PEAK1: variants seen among roughly 807,000 people sequenced by gnomAD.
The protein encoded by PEAK1 is inactive tyrosine-protein kinase PEAK1.
In PEAK1, 54 loss-of-function variants were observed where a neutral mutation model predicts 124.7. The observed-to-expected ratio is 0.43, with a 90% CI of 0.35 to 0.54. The LOEUF (loss-of-function observed/expected upper bound fraction) is 0.54, where lower values mean the gene tolerates loss of function less well. Ranked by LOEUF, PEAK1 falls within the 20% of genes least tolerant of loss-of-function variation. The pLI is 0.01. For synonymous variants in PEAK1, 719 were observed against 760.0 expected (o/e 0.95, Z 0.89); for missense variants, 2,046 against 2,134.5 (o/e 0.96, Z 0.82).
chr15:77,373,194 A>G (rs1162680395), intron 1 of PEAK1, among the ~76,000 whole-genome samples: 1 of 152,148 alleles, frequency 6.6e-6, no homozygotes, highest in Non-Finnish European at 1.5e-5. Flanking sequence ...TGAATCCACT[A>G]TGCTCTCTTA....
intron 9 of PEAK1, among the ~76,000 whole-genome samples, chr15:77,130,841 T>C (rs558230644): frequency 1.1e-4 from 17 of 152,320 alleles, no homozygotes; most frequent in South Asian, 2.1e-4. Context: ...TCTCTTAAAG[T>C]AACCTAGGGA....
Position 77,419,320 on chromosome 15 carries a change from G to A in PEAK1, c.-666+686C>T, listed in dbSNP as rs1035740838. ...TGCGACGAGAGGGGAGGGGGCAGAC[G>A]CGGTTCAGACGGCAAGTCCCCATCG... is the stretch of plus-strand genomic sequence containing the variant. On this transcript the variant is annotated intron_variant, in intron 1 of 9. Transcript: ENST00000682557. 26 of 985,260 alleles carry A rather than the reference G, an allele frequency of 2.6e-5. No homozygotes were observed. In the South Asian group the frequency reaches 1.1e-3, roughly 41 times the overall value. 61.0% of individuals were successfully genotyped at this position (985,260 alleles called of 1,614,324 possible).
intron 6 of PEAK1, among the ~76,000 whole-genome samples, chr15:77,220,538 C>T (rs1368374596): frequency 1.6e-5 from 2 of 127,100 alleles, no homozygotes; most frequent in Non-Finnish European, 3.3e-5. Flanking sequence ...AAAAAAAAAA[C>T]GGTGAGGAAC....
intron 2 of PEAK1, among the ~76,000 whole-genome samples, chr15:77,321,753 T>C (rs1292693000): frequency 2.6e-5 from 4 of 152,182 alleles, no homozygotes; most frequent in South Asian, 2.1e-4. Flanking sequence ...CTGAATGGTA[T>C]TGCCTAGGTT....
At chr15:77,106,053 T>C (rs2050747661), downstream of PEAK1, 1 of 152,310 alleles carries the variant, frequency 6.6e-6, no homozygotes, top group Admixed American at 6.5e-5. Context: ...TCTGGCCTTG[T>C]TCCACCTCAC....
intron 6 of PEAK1, among the ~76,000 whole-genome samples, chr15:77,218,360 T>C (rs1250016199): frequency 6.6e-6 from 1 of 152,170 alleles, no homozygotes; most frequent in Non-Finnish European, 1.5e-5. Flanking sequence ...CTTTGTCAAA[T>C]GTTTTCTCGC....
chr15:77,138,257 T>C (rs1351519490), intron 8 of PEAK1, among the ~76,000 whole-genome samples: 1 of 152,052 alleles, frequency 6.6e-6, no homozygotes, highest in African/African-American at 2.4e-5. Flanking sequence ...AGATAAAAAA[T>C]GGTATGCTTG....
chr15:77,365,741 T>TA (rs71145816), intron 1 of PEAK1, among the ~76,000 whole-genome samples: 35,632 of 80,832 alleles, frequency 0.44, 7,072 homozygotes, highest in Non-Finnish European at 0.54. Flanking sequence ...CTCCATCTCA[T>TA]AAAAAAAAAA....
intron 2 of PEAK1, chr15:77,334,805 A>G (rs2066096238): frequency 1.2e-5 from 12 of 985,020 alleles, no homozygotes; most frequent in African/African-American, 1.8e-5. Flanking sequence ...TTATTTTTGT[A>G]GTGTCTAATT....
At chr15:77,412,214 T>C (rs1022457788) in intron 1 of PEAK1, among the ~76,000 whole-genome samples, 1 of 152,202 alleles carries the variant, frequency 6.6e-6, no homozygotes, top group South Asian at 2.1e-4. Context: ...ATCTAATCTA[T>C]ACTGACAAGT....
chr15:77,158,703 C>T lies in PEAK1; in HGVS notation c.3138-7G>A, dbSNP rs540641285. On this transcript the variant is annotated splice_region_variant and splice_polypyrimidine_tract_variant and intron_variant, in intron 7 of 9. Coordinates refer to ENST00000682557, the MANE Select transcript of PEAK1 (RefSeq NM_001385026.1). The stretch of plus-strand genomic sequence containing the variant: ...TACTTCATGGGTCATGTGACTGAAA[C>T]AAATCAGACCACTTGTCACACTGGT... 1.2e-6 allele frequency: 2 copies of T among 1,609,614 alleles called. No individual in the cohort carries two copies. The highest frequency in any genetic ancestry group is 2.2e-5 in the East Asian group (1 of 44,740).
chr15:77,178,722 A>G, intron 7 of PEAK1, 68 bp downstream of exon 7: 3 of 1,449,314 alleles, frequency 2.1e-6, no homozygotes, highest in South Asian at 1.3e-5. Flanking sequence ...ATCTTAAAAG[A>G]TATAAAAAAC....
chr15:77,248,560 C>T (rs1008284888), intron 6 of PEAK1, among the ~76,000 whole-genome samples: 1 of 152,180 alleles, frequency 6.6e-6, no homozygotes, highest in Non-Finnish European at 1.5e-5. Context: ...AGAGAGCTCA[C>T]TTGCCCCTTC....
At chr15:77,199,875 G>A (rs2058280569) in intron 6 of PEAK1, among the ~76,000 whole-genome samples, 1 of 152,162 alleles carries the variant, frequency 6.6e-6, no homozygotes, top group Non-Finnish European at 1.5e-5. Context: ...GGATTCTGAC[G>A]ATTCAAGACT....
chr15:77,180,973 A>G lies in PEAK1; in HGVS notation c.954T>C (p.Asn318=). The change falls in exon 7 of 10, where the codon AAT becomes AAC. Residue 318 remains asparagine (N), a synonymous_variant. Transcript: ENST00000682557. Reference sequence around the variant, plus strand: ...AGACCACAGAATTTTCCTCATAACCATTCAGGATTTCATCATAGCTGTCAT... The same window carrying G: ...AGACCACAGAATTTTCCTCATAACCGTTCAGGATTTCATCATAGCTGTCAT... The part of the protein sequence containing the change: ...DYDDSYDEIL[N]GYEENSVVSY... 2.5e-6 allele frequency: 4 copies of G among 1,614,138 alleles called. No individual in the cohort carries two copies. The highest frequency in any genetic ancestry group is 3.4e-6 in the Non-Finnish European group (4 of 1,180,004).
intron 6 of PEAK1, among the ~76,000 whole-genome samples, chr15:77,247,533 G>A (rs2060653738): frequency 8.5e-6 from 1 of 117,650 alleles, no homozygotes; most frequent in Admixed American, 1.2e-4. Context: ...CTGTCGCCCA[G>A]GCTGGAGTGC....
At chr15:77,385,489 T>C (rs2069850417) in intron 1 of PEAK1, among the ~76,000 whole-genome samples, 1 of 152,242 alleles carries the variant, frequency 6.6e-6, no homozygotes, top group Admixed American at 6.5e-5. Context: ...GGGGATGCTC[T>C]GGTTGTTAAC....
intron 9 of PEAK1, among the ~76,000 whole-genome samples, chr15:77,132,590 G>A (rs1195469855): frequency 6.6e-6 from 1 of 151,698 alleles, no homozygotes; most frequent in African/African-American, 2.4e-5. Context: ...AGCTACTCGG[G>A]AGGCTGAGGC....
intron 2 of PEAK1, chr15:77,335,939 T>C (rs1158890524): frequency 7.1e-6 from 7 of 985,388 alleles, no homozygotes; most frequent in Non-Finnish European, 8.4e-6. Flanking sequence ...CACCTATCTC[T>C]TTCTGGGAAA....
Sources: allele counts gnomAD v4.1 joint callset (sites outside exome capture counted in the v4.1 genomes callset), GRCh38; gene constraint gnomAD v4.1.1; transcripts MANE v1.5; gene names NCBI Gene and HGNC (gene_info 2026-07-23, HGNC 2026-07-21).